The following UNC5B variants were observed in gnomAD, a reference collection of about 807,000 sequenced individuals.
UNC5B encodes unc-5 netrin receptor B, also known as netrin receptor UNC5B.
In UNC5B, 56 loss-of-function variants were observed where a neutral mutation model predicts 103.7. That is an observed-to-expected ratio of 0.54 (90% CI 0.44 to 0.67). UNC5B has a LOEUF of 0.67. Among genes scored for constraint, UNC5B ranks in the 30% least tolerant of loss-of-function variants. UNC5B has a pLI of 0.00. For synonymous variants in UNC5B, 577 were observed against 542.0 expected (o/e 1.06, Z -0.90); for missense variants, 1,194 against 1,284.5 (o/e 0.93, Z 1.08).
intron 8 of UNC5B, among the ~76,000 whole-genome samples, chr10:71,289,855 G>T (rs1845200478): frequency 6.6e-6 from 1 of 152,224 alleles, no homozygotes; most frequent in South Asian, 2.1e-4. Flanking sequence ...AGACATCCGG[G>T]GCTGGGAGCC....
chr10:71,277,915 T>C (rs928705952), intron 1 of UNC5B, among the ~76,000 whole-genome samples: 1 of 152,214 alleles, frequency 6.6e-6, no homozygotes, highest in Admixed American at 6.5e-5. Flanking sequence ...GTTCTGGCCC[T>C]GTCAGGGTGC....
intron 1 of UNC5B, 63 bp from the exon 2 acceptor site, chr10:71,279,758 G>A (rs972536260): frequency 3.1e-5 from 47 of 1,536,960 alleles, no homozygotes; most frequent in Middle Eastern, 2.3e-4. Flanking sequence ...CCCGGGGTGG[G>A]CGAGGGGTGC....
In UNC5B at chr10:71,301,018, G is replaced by C. The variant is rs1845573621; in HGVS notation, c.*1741G>C. The C allele has an allele frequency of 6.6e-6, 1 of 152,330 alleles. No individual in the cohort carries two copies. Among genetic ancestry groups the C allele is most frequent in the African/African-American group, 2.4e-5 (1 of 41,444 alleles). The allele number at this position is 152,330 out of a possible 1,614,324, so 9.4% of individuals were successfully genotyped here. On this transcript the variant is annotated 3_prime_UTR_variant, in exon 17 of 17. Transcript: ENST00000335350. ...TGCCCTGTGCAGCTGCCTGGCAGTGGCTGGGACAAGGATCTTGCAGCCAGC... is the reference window on the plus strand; with the variant it reads ...TGCCCTGTGCAGCTGCCTGGCAGTGCCTGGGACAAGGATCTTGCAGCCAGC...
Position 71,290,411 on chromosome 10 carries a change from C to A in UNC5B, c.1100-504C>A, listed in dbSNP as rs543283294. Among the ~76,000 whole-genome samples, 139 of 152,320 alleles carry A rather than the reference C, an allele frequency of 9.1e-4. 1 individual carries two copies. Among genetic ancestry groups the A allele is most frequent in the South Asian group, 8.3e-3 (40 of 4,824 alleles). ...ATCTCATTCCACTTCTTCAGCTCCC[C>A]GTCCCTCCACTTCCCACCCTCAGAG... On this transcript the variant is annotated intron_variant, in intron 8 of 16. Transcript: ENST00000335350.
chr10:71,263,508 G>A (rs759232913), intron 1 of UNC5B, among the ~76,000 whole-genome samples: 10 of 152,146 alleles, frequency 6.6e-5, no homozygotes, highest in South Asian at 2.1e-4. Flanking sequence ...AGAGCCACCC[G>A]GAAGCAGACA....
chr10:71,264,706 A>G (rs763597428), intron 1 of UNC5B, among the ~76,000 whole-genome samples: 1 of 152,200 alleles, frequency 6.6e-6, no homozygotes, highest in Non-Finnish European at 1.5e-5. Flanking sequence ...GACATTTCTT[A>G]GAAATGTACA....
At chr10:71,295,167 T>G (rs1002014724) in intron 13 of UNC5B, among the ~76,000 whole-genome samples, 1 of 152,222 alleles carries the variant, frequency 6.6e-6, no homozygotes, top group Non-Finnish European at 1.5e-5. Context: ...GGACCCTGGC[T>G]TGAGATGCCA....
At chr10:71,224,393 AC>A (rs1843519390) in intron 1 of UNC5B, among the ~76,000 whole-genome samples, 1 of 151,954 alleles carries the variant, frequency 6.6e-6, no homozygotes, top group Non-Finnish European at 1.5e-5. Flanking sequence ...ACACACACAC[AC>A]ACACACACAC....
chr10:71,242,204 C>T (rs937998209), intron 1 of UNC5B, among the ~76,000 whole-genome samples: 4 of 152,142 alleles, frequency 2.6e-5, no homozygotes, highest in South Asian at 4.1e-4. Flanking sequence ...GTCCGTCGGC[C>T]GTGGCCCAGA....
intron 1 of UNC5B, among the ~76,000 whole-genome samples, chr10:71,250,045 G>A (rs1004942709): frequency 6.6e-6 from 1 of 152,208 alleles, no homozygotes; most frequent in Admixed American, 6.5e-5. Context: ...TGCCTCTTCA[G>A]GAGACTGCCA....
At chr10:71,285,234 G>T in intron 3 of UNC5B, 92 bp from the exon 4 acceptor site, 1 of 1,310,868 alleles carries the variant, frequency 7.6e-7, no homozygotes. Flanking sequence ...AGTACCCTGG[G>T]TCTGCACTGC....
At chr10:71,247,618 C>T (rs1453467321) in intron 1 of UNC5B, among the ~76,000 whole-genome samples, 1 of 152,180 alleles carries the variant, frequency 6.6e-6, no homozygotes, top group East Asian at 1.9e-4. Context: ...TGGACTGTTT[C>T]AGGAGTCTGA....
At position 71,294,300 on chromosome 10, in the gene UNC5B, C is replaced by T. The variant is rs549127254; in HGVS notation, c.2175+367C>T. Among the ~76,000 whole-genome samples the T allele has an allele frequency of 9.2e-5, 14 of 152,294 alleles. No individual in the cohort carries two copies. The East Asian group carries it at 1.7e-3, about 19-fold the overall frequency. On this transcript the variant is annotated intron_variant, in intron 13 of 16. Coordinates refer to ENST00000335350, the MANE Select transcript of UNC5B (RefSeq NM_170744.5). ...CATTCCAGACCGACAGAAATGACTG[C>T]GTTTCATAAGCGTTTCAGCATGACC...
At chr10:71,235,890 G>A (rs568120846) in intron 1 of UNC5B, among the ~76,000 whole-genome samples, 1 of 152,358 alleles carries the variant, frequency 6.6e-6, no homozygotes, top group South Asian at 2.1e-4. Context: ...GAAGGCAAAG[G>A]GATCATCCCC....
chr10:71,243,080 C>T (rs922144004), intron 1 of UNC5B, among the ~76,000 whole-genome samples: 50 of 152,118 alleles, frequency 3.3e-4, no homozygotes, highest in African/African-American at 1.2e-3. Context: ...ATTAAAAATA[C>T]AAAAATTAGC....
rs537083481 is a variant in UNC5B, at chr10:71,287,481, G to T, written c.734-117G>T. 3 of 1,297,800 alleles carry T rather than the reference G, an allele frequency of 2.3e-6. No homozygotes were observed. In the African/African-American group the frequency reaches 4.5e-5, roughly 19 times the overall value. The allele number at this position is 1,297,800 out of a possible 1,614,324, so 80.4% of individuals were successfully genotyped here. On this transcript the variant is annotated intron_variant, in intron 5 of 16. Coordinates refer to ENST00000335350, the MANE Select transcript of UNC5B (RefSeq NM_170744.5). ...AGTCCCTACACTGTAGGCAAAAGGG[G>T]TCTCACTAGGAAGGCCAGGCTTCAG... is the stretch of plus-strand genomic sequence containing the variant.
In UNC5B at chr10:71,213,674, G is replaced by T. The variant is rs1242989166; in HGVS notation, c.79+610G>T. On this transcript the variant is annotated intron_variant, in intron 1 of 16. Transcript: ENST00000335350. This position sits in a 1 kb window ranked among gnomAD's most constrained non-coding sequence, Gnocchi z 4.1. ...GATCGCTGGGCCCGCAGGTCTGGAA[G>T]AATTATTATTATTATTATTATTATT... 7.8e-5 allele frequency among the ~76,000 whole-genome samples: 7 copies of T among 90,214 alleles called. No homozygotes were observed. In the East Asian group the frequency reaches 2.1e-3, roughly 28 times the overall value. 59.2% of individuals were successfully genotyped at this position (90,214 alleles called of 152,430 possible). A position where few individuals can be genotyped will look rare whatever the true frequency, so the allele number is the denominator to read the frequency against.
intron 1 of UNC5B, among the ~76,000 whole-genome samples, chr10:71,236,481 A>G (rs1463494442): frequency 6.6e-6 from 1 of 152,122 alleles, no homozygotes. Context: ...GCCCCCCTTC[A>G]GAGCCAGCTC....
intron 14 of UNC5B, 56 bp downstream of exon 14, chr10:71,296,016 C>A: frequency 6.2e-7 from 1 of 1,608,348 alleles, no homozygotes; most frequent in Non-Finnish European, 8.5e-7. Context: ...GCCCGGGAAG[C>A]CCAGCTCCCT....
Sources: allele counts gnomAD v4.1 joint callset (sites outside exome capture counted in the v4.1 genomes callset), GRCh38; gene constraint gnomAD v4.1.1; non-coding constraint Gnocchi (gnomAD v3.1); transcripts MANE v1.5; gene names NCBI Gene and HGNC (gene_info 2026-07-23, HGNC 2026-07-21).